The following SKIC3 variants were observed in gnomAD, a reference collection of about 807,000 sequenced individuals.
SKIC3 encodes the protein SKI3 subunit of superkiller complex, also known as superkiller complex protein 3.
chr5:95,537,906 A>C, the SKIC3 span, among the ~76,000 whole-genome samples: 1 of 152,208 alleles, frequency 6.6e-6, no homozygotes. Flanking sequence ...TATGTAAATA[A>C]GTAAAATTTT....
the SKIC3 span, among the ~76,000 whole-genome samples, chr5:95,501,407 T>C: frequency 3.9e-5 from 6 of 152,086 alleles, no homozygotes; most frequent in Admixed American, 3.9e-4. Context: ...TTAATCCTAT[T>C]CCCCTTAAAT....
the SKIC3 span, chr5:95,541,383 T>C: frequency 1.9e-6 from 3 of 1,613,360 alleles, no homozygotes; most frequent in South Asian, 2.2e-5. Flanking sequence ...TGTCAACACT[T>C]AGAACAAAAC....
chr5:95,475,029 T>A, the SKIC3 span, among the ~76,000 whole-genome samples: 1 of 152,216 alleles, frequency 6.6e-6, no homozygotes, highest in Non-Finnish European at 1.5e-5. Flanking sequence ...ATTCCTTGGA[T>A]TGGGTTACAA....
chr5:95,489,065 C>T, the SKIC3 span, among the ~76,000 whole-genome samples: 6 of 152,076 alleles, frequency 3.9e-5, no homozygotes, highest in African/African-American at 9.7e-5. Context: ...ACCTGTAATC[C>T]CAATACTTTA....
At chr5:95,491,036 C>G in the SKIC3 span, 1 of 1,613,682 alleles carries the variant, frequency 6.2e-7, no homozygotes, top group Non-Finnish European at 8.5e-7. Context: ...AGCAGGATCA[C>G]CTGAAAACAG....
At chr5:95,468,105 T>G in the SKIC3 span, 10 of 1,283,644 alleles carry the variant, frequency 7.8e-6, no homozygotes, top group Non-Finnish European at 6.5e-6. Flanking sequence ...TAGTGTCTGA[T>G]TATGATTTTT....
chr5:95,539,356 A>G, the SKIC3 span, among the ~76,000 whole-genome samples: 4 of 152,350 alleles, frequency 2.6e-5, no homozygotes, highest in South Asian at 6.2e-4. Flanking sequence ...AATGCTCAAC[A>G]TCACTAATGA....
chr5:95,484,340 CTTTTT>C, the SKIC3 span, among the ~76,000 whole-genome samples: 1 of 119,916 alleles, frequency 8.3e-6, no homozygotes, highest in African/African-American at 3.2e-5. Context: ...ATGCATTCCT[CTTTTT>C]TTTTTTTTTT....
chr5:95,470,634 T>A, the SKIC3 span, among the ~76,000 whole-genome samples: 3 of 152,080 alleles, frequency 2.0e-5, no homozygotes, highest in Non-Finnish European at 4.4e-5. Context: ...ATAAAGTATT[T>A]TAATAAACTC....
At chr5:95,499,647 G>T in the SKIC3 span, among the ~76,000 whole-genome samples, 1 of 151,846 alleles carries the variant, frequency 6.6e-6, no homozygotes, top group African/African-American at 2.4e-5. Context: ...AATCTTAGAA[G>T]GTATAAATAA....
At chr5:95,551,813 C>T in the SKIC3 span, among the ~76,000 whole-genome samples, 1 of 152,196 alleles carries the variant, frequency 6.6e-6, no homozygotes, top group Non-Finnish European at 1.5e-5. Flanking sequence ...CCCATTTCCT[C>T]ACTGGTAAAG....
At chr5:95,512,010 G>A in the SKIC3 span, among the ~76,000 whole-genome samples, 2 of 152,138 alleles carry the variant, frequency 1.3e-5, no homozygotes, top group Non-Finnish European at 2.9e-5. Flanking sequence ...GTGTTAAGTG[G>A]GGAAGCTAAA....
the SKIC3 span, among the ~76,000 whole-genome samples, chr5:95,492,399 G>T: frequency 6.6e-6 from 1 of 151,688 alleles, no homozygotes; most frequent in East Asian, 1.9e-4. Flanking sequence ...CACTTTGGGA[G>T]GCCGAGGCGG....
chr5:95,486,480 G>A, the SKIC3 span, among the ~76,000 whole-genome samples: 1 of 152,158 alleles, frequency 6.6e-6, no homozygotes, highest in Non-Finnish European at 1.5e-5. Context: ...GGGTCACAGT[G>A]CAGCAGCTGC....
the SKIC3 span, among the ~76,000 whole-genome samples, chr5:95,533,891 G>A: frequency 1.3e-5 from 2 of 151,948 alleles, no homozygotes; most frequent in African/African-American, 2.4e-5. Context: ...TACATTATAG[G>A]TACATTTATG....
chr5:95,530,364 A>T, the SKIC3 span: 4 of 841,566 alleles, frequency 4.8e-6, no homozygotes, highest in Non-Finnish European at 7.4e-6. Context: ...GAAATTCAAA[A>T]TTTAAATAGA....
chr5:95,544,097 A>G, the SKIC3 span, among the ~76,000 whole-genome samples: 1 of 152,058 alleles, frequency 6.6e-6, no homozygotes, highest in African/African-American at 2.4e-5. Flanking sequence ...TCCACACAAC[A>G]CTCCTAATAA....
chr5:95,551,406 A>T, the SKIC3 span, among the ~76,000 whole-genome samples: 70 of 152,332 alleles, frequency 4.6e-4, 1 homozygote, highest in East Asian at 0.013. Context: ...ACAAGGAATG[A>T]AAAGTTTCCC....
chr5:95,545,655 G>C, the SKIC3 span, among the ~76,000 whole-genome samples: 3 of 152,228 alleles, frequency 2.0e-5, no homozygotes, highest in East Asian at 1.9e-4. Flanking sequence ...TGCTCACACT[G>C]TCTGTCACCT....
Sources: gnomAD v4.1 joint callset for allele counts (sites outside exome capture counted in the v4.1 genomes callset) on GRCh38, gnomAD v4.1.1 for gene constraint, MANE v1.5 for transcripts, NCBI Gene and HGNC (gene_info 2026-07-23, HGNC 2026-07-21) for gene names.